The following PRKAG2 variants were observed in gnomAD, a reference collection of about 807,000 sequenced individuals.
PRKAG2 encodes 5'-AMP-activated protein kinase subunit gamma-2.
Under a neutral mutation model 69.6 loss-of-function variants are expected in PRKAG2, and 26 were observed. That is an observed-to-expected ratio of 0.37 (90% CI 0.27 to 0.52). PRKAG2 has a LOEUF of 0.52. PRKAG2 is among the 20% of genes least tolerant of loss of function. The pLI, the probability that PRKAG2 is intolerant of heterozygous loss-of-function variation, is 0.90. For missense variants in PRKAG2, 557 were observed against 740.0 expected, an observed-to-expected ratio of 0.75 and a Z score of 2.87; for synonymous variants, 293 against 285.0, an observed-to-expected ratio of 1.03 and a Z score of -0.28.
At chr7:151,737,244 G>A (rs1452785976) in intron 3 of PRKAG2, among the ~76,000 whole-genome samples, 3 of 151,796 alleles carry the variant, frequency 2.0e-5, no homozygotes, top group South Asian at 2.1e-4. Flanking sequence ...GGTGGCTCAC[G>A]CCTGTAATCT....
At chr7:151,812,708 G>A (rs1188385854) in intron 1 of PRKAG2, among the ~76,000 whole-genome samples, 2 of 152,146 alleles carry the variant, frequency 1.3e-5, no homozygotes, top group African/African-American at 2.4e-5. Flanking sequence ...CCCAACCTCA[G>A]TCCACCAGCC....
intron 2 of PRKAG2, among the ~76,000 whole-genome samples, chr7:151,785,748 A>AC (rs985103966): frequency 2.0e-5 from 3 of 151,768 alleles, no homozygotes; most frequent in African/African-American, 7.3e-5. Flanking sequence ...GCCTCCACCC[A>AC]CCCTTACTTC....
Position 151,565,852 on chromosome 7 carries a change from G to C in PRKAG2, c.1267C>G (p.Gln423Glu). ...SDMPKPAFMK[Q>E]NLDELGIGTY... ...CCTATTCCAAGCTCATCCAGGTTCT[G>C]CTTCATGAAGGCAGGCTTTGGCATA... Residue 423 changes from glutamine to glutamate, a missense_variant, in exon 12 of 16, where the codon CAG (glutamine) becomes GAG (glutamate). Physicochemically the swap from Gln to Glu is conservative, Grantham distance 29. Around this residue, in one of 2 missense-constraint regions of PRKAG2, gnomAD observed 205 missense variants for 383.4 expected, o/e 0.53. Coordinates refer to ENST00000287878, the MANE Select transcript of PRKAG2 (RefSeq NM_016203.4). 1 of 1,613,756 alleles carries C rather than the reference G, an allele frequency of 6.2e-7. No homozygotes were observed. The highest frequency in any genetic ancestry group is 8.5e-7 in the Non-Finnish European group (1 of 1,179,650).
chr7:151,632,457 G>T lies in PRKAG2; in HGVS notation c.685-319C>A. 3.0e-6 allele frequency: 2 copies of T among 670,470 alleles called. No individual in the cohort carries two copies. The highest frequency in any genetic ancestry group is 1.8e-6 in the Non-Finnish European group (1 of 542,968). 41.5% of individuals were successfully genotyped at this position (670,470 alleles called of 1,614,324 possible). ...GAAGGGACCCGGGAGCTCGAGGGCGGCAGCGCCTGGGCCCGGGGCGCCCCC... is the reference window on the plus strand; with the variant it reads ...GAAGGGACCCGGGAGCTCGAGGGCGTCAGCGCCTGGGCCCGGGGCGCCCCC... On this transcript the variant is annotated intron_variant, in intron 4 of 15. Transcript: ENST00000287878. The surrounding 1 kb of genome is among the most constrained non-coding windows in gnomAD (Gnocchi z 4.2).
chr7:151,792,362 CCA>C (rs2077304511), intron 1 of PRKAG2, among the ~76,000 whole-genome samples: 1 of 152,224 alleles, frequency 6.6e-6, no homozygotes, highest in Non-Finnish European at 1.5e-5. Flanking sequence ...CTTGCACTAT[CCA>C]CATTTGGAGT....
intron 5 of PRKAG2, among the ~76,000 whole-genome samples, chr7:151,612,121 A>C (rs1819018019): frequency 6.6e-6 from 1 of 152,078 alleles, no homozygotes; most frequent in Non-Finnish European, 1.5e-5. Context: ...TCACTAAAGG[A>C]GCTGAATTAA....
chr7:151,725,679 A>G (rs1456863168), intron 3 of PRKAG2, among the ~76,000 whole-genome samples: 1 of 152,142 alleles, frequency 6.6e-6, no homozygotes, highest in Admixed American at 6.5e-5. Flanking sequence ...TTTGTATTCA[A>G]TTATATACAG....
At chr7:151,736,262 G>A in intron 3 of PRKAG2, 1 of 1,313,276 alleles carries the variant, frequency 7.6e-7, no homozygotes, top group South Asian at 2.0e-5. Flanking sequence ...TCCGGCCACA[G>A]CAGCTGGAGC....
intron 3 of PRKAG2, among the ~76,000 whole-genome samples, chr7:151,704,388 T>C (rs892580551): frequency 6.6e-6 from 1 of 152,180 alleles, no homozygotes; most frequent in Non-Finnish European, 1.5e-5. Flanking sequence ...TTGTATTCTT[T>C]TGCTTCAGGC....
intron 4 of PRKAG2, among the ~76,000 whole-genome samples, chr7:151,665,997 G>T (rs1232300731): frequency 1.3e-5 from 2 of 152,168 alleles, no homozygotes; most frequent in African/African-American, 4.8e-5. Flanking sequence ...AATGGCAAAA[G>T]ACAGTCCATT....
At chr7:151,761,136 C>A (rs972641927) in intron 3 of PRKAG2, among the ~76,000 whole-genome samples, 1 of 152,184 alleles carries the variant, frequency 6.6e-6, no homozygotes. Context: ...CATTCCTGGG[C>A]ACACACAGGC....
chr7:151,617,335 T>C (rs1820424263), intron 5 of PRKAG2, among the ~76,000 whole-genome samples: 1 of 146,686 alleles, frequency 6.8e-6, no homozygotes, highest in Non-Finnish European at 1.5e-5. Flanking sequence ...TTGCTTCGTG[T>C]AGCACCAAGG....
intron 4 of PRKAG2, among the ~76,000 whole-genome samples, chr7:151,633,593 C>G (rs189207241): frequency 2.0e-4 from 31 of 151,764 alleles, no homozygotes; most frequent in Non-Finnish European, 3.7e-4. Flanking sequence ...AAAAATCAAT[C>G]ACATTTCTAT....
Position 151,560,186 on chromosome 7 carries a change from T to C in PRKAG2, c.1678+338A>G, listed in dbSNP as rs1040297904. On this transcript the variant is annotated intron_variant, in intron 15 of 15. Transcript: ENST00000287878. ...ATAGAAGCCAGTGACGTTCCCTCTA[T>C]GTTTCTGGTCACTAGTTCTCTCACA... 7.1e-6 allele frequency: 7 copies of C among 985,302 alleles called. No homozygotes were observed. The Admixed American group carries it at 1.8e-4, about 26-fold the overall frequency. 61.0% of individuals were successfully genotyped at this position (985,302 alleles called of 1,614,324 possible). A position where few individuals can be genotyped will look rare whatever the true frequency, so the allele number is the denominator to read the frequency against.
chr7:151,860,085 G>C (rs1046155835), intron 1 of PRKAG2, among the ~76,000 whole-genome samples: 1 of 152,206 alleles, frequency 6.6e-6, no homozygotes. Context: ...TGCTGGACCC[G>C]GAGGGGCCCT....
intron 2 of PRKAG2, among the ~76,000 whole-genome samples, chr7:151,784,667 C>T (rs2076911768): frequency 6.6e-6 from 1 of 152,172 alleles, no homozygotes; most frequent in Non-Finnish European, 1.5e-5. Flanking sequence ...CCATGAGCCC[C>T]TGGAGAACCA....
At chr7:151,870,162 C>G (rs201078118) in intron 1 of PRKAG2, among the ~76,000 whole-genome samples, 44 of 112,900 alleles carry the variant, frequency 3.9e-4, no homozygotes, top group Non-Finnish European at 2.0e-4. Context: ...GATAGGCAGG[C>G]AGGCAGGCAG....
intron 5 of PRKAG2, among the ~76,000 whole-genome samples, chr7:151,605,718 T>A (rs1296363848): frequency 6.6e-6 from 1 of 152,034 alleles, no homozygotes; most frequent in African/African-American, 2.4e-5. Flanking sequence ...GGTGGGTGGA[T>A]CACAAGGTCA....
At chr7:151,757,889 T>C (rs935790909) in intron 3 of PRKAG2, among the ~76,000 whole-genome samples, 4 of 152,244 alleles carry the variant, frequency 2.6e-5, no homozygotes, top group African/African-American at 7.2e-5. Context: ...GTTGATGTGT[T>C]GTATGTGCTG....
Sources: gnomAD v4.1 joint callset for allele counts (sites outside exome capture counted in the v4.1 genomes callset) on GRCh38, gnomAD v4.1.1 for gene constraint, gnomAD v4.1.1 regional missense constraint, Gnocchi (gnomAD v3.1) non-coding constraint, MANE v1.5 for transcripts, NCBI Gene and HGNC (gene_info 2026-07-23, HGNC 2026-07-21) for gene names.